The following MATR3 variants were observed in gnomAD, a reference collection of about 807,000 sequenced individuals.
MATR3 encodes the protein matrin-3.
A neutral mutation model predicts 85.5 loss-of-function variants in MATR3; 4 were observed. The ratio of observed to expected loss-of-function variants is 0.05; its 90% CI spans 0.02 to 0.11. MATR3 has a LOEUF of 0.11. Among genes scored for constraint, MATR3 ranks in the 10% least tolerant of loss-of-function variants. The pLI is 1.00. For missense variants in MATR3, 685 were observed against 1,016.1 expected (o/e 0.67, Z 4.43); for synonymous variants, 336 against 343.1 (o/e 0.98, Z 0.23).
chr5:139,289,364 G>A (rs1008676918), upstream of MATR3, among the ~76,000 whole-genome samples: 1 of 152,238 alleles, frequency 6.6e-6, no homozygotes, highest in Non-Finnish European at 1.5e-5. Context: ...AGGCTACAGT[G>A]AGCCACAATC....
upstream of MATR3, chr5:139,293,367 G>A (rs1488388595): frequency 6.6e-6 from 1 of 152,230 alleles, no homozygotes; most frequent in Non-Finnish European, 1.5e-5. Flanking sequence ...AACAACCAGA[G>A]AGCATAAAAG....
chr5:139,325,269 G>A, intron 12 of MATR3, 171 bp from the exon 13 acceptor site: 1 of 1,550,644 alleles, frequency 6.4e-7, no homozygotes, highest in Non-Finnish European at 8.7e-7. Context: ...GATAATTGTT[G>A]CAGAGTAAAT....
At chr5:139,325,200 A>T (rs1380104202) in intron 12 of MATR3, 2 of 1,481,342 alleles carry the variant, frequency 1.4e-6, no homozygotes, top group Non-Finnish European at 1.8e-6. Flanking sequence ...CTCAAAAAAA[A>T]AAAGGCAAAG....
At chr5:139,323,731 TA>T (rs1480571008) in intron 12 of MATR3, among the ~76,000 whole-genome samples, 1 of 152,090 alleles carries the variant, frequency 6.6e-6, no homozygotes, top group Non-Finnish European at 1.5e-5. Context: ...CCGTCTCTAC[TA>T]AAAATATGAA....
intron 2 of MATR3, chr5:139,312,177 C>G (rs1755018881): frequency 6.6e-6 from 1 of 152,120 alleles, no homozygotes; most frequent in Non-Finnish European, 1.5e-5. Context: ...TGCTTTGTAG[C>G]CCACGCTGAA....
intron 2 of MATR3, among the ~76,000 whole-genome samples, chr5:139,276,662 G>T (rs1323770540): frequency 1.3e-5 from 2 of 152,164 alleles, no homozygotes; most frequent in Admixed American, 1.3e-4. Flanking sequence ...AAGCTAATGG[G>T]AAGAGGGGGT....
intron 1 of MATR3, among the ~76,000 whole-genome samples, chr5:139,306,343 G>A (rs570405025): frequency 2.0e-4 from 31 of 152,278 alleles, no homozygotes; most frequent in South Asian, 6.2e-4. Flanking sequence ...ACAGGAAACT[G>A]TGTAACCAAG....
At position 139,329,339 on chromosome 5, in the gene MATR3, T is replaced by A. The variant is rs376395410; in HGVS notation, c.2494-6T>A. The A allele has an allele frequency of 6.3e-5, 101 of 1,607,664 alleles. No individual in the cohort carries two copies. In the African/African-American group the frequency reaches 1.2e-3, roughly 19 times the overall value. On this transcript the variant is annotated splice_region_variant and splice_polypyrimidine_tract_variant and intron_variant, in intron 14 of 14. Coordinates refer to ENST00000394805, the MANE Select transcript of MATR3 (RefSeq NM_018834.6). The stretch of plus-strand genomic sequence containing the variant: ...ACTTAATGGCTGTAATTCTCTTTCT[T>A]TATAGAAATTTCTGAATAAATTGGC...
intron 3 of MATR3, chr5:139,315,444 TAG>T (rs1755978149): frequency 2.4e-6 from 1 of 418,232 alleles, no homozygotes; most frequent in Admixed American, 4.0e-5. Flanking sequence ...ATTTAACAAA[TAG>T]AGGAAAAACT....
At chr5:139,301,348 C>G (rs1754429324) in intron 1 of MATR3, among the ~76,000 whole-genome samples, 1 of 151,410 alleles carries the variant, frequency 6.6e-6, no homozygotes, top group Non-Finnish European at 1.5e-5. Flanking sequence ...GAGACAGAGT[C>G]TCACTCTGTC....
intron 3 of MATR3, chr5:139,283,663 T>C (rs1294490222): frequency 6.6e-6 from 1 of 152,246 alleles, no homozygotes; most frequent in Non-Finnish European, 1.5e-5. Context: ...GGTTTATGGC[T>C]TTTACTAACT....
At chr5:139,303,284 T>TC (rs1754545665) in intron 1 of MATR3, among the ~76,000 whole-genome samples, 1 of 152,126 alleles carries the variant, frequency 6.6e-6, no homozygotes, top group South Asian at 2.1e-4. Flanking sequence ...ATATTTTTAG[T>TC]AGAGACGAGG....
intron 14 of MATR3, among the ~76,000 whole-genome samples, chr5:139,327,864 A>G (rs543794886): frequency 6.8e-6 from 1 of 147,972 alleles, no homozygotes; most frequent in African/African-American, 2.5e-5. Flanking sequence ...TATTTTATTT[A>G]TTTTTTTTTT....
chr5:139,323,359 A>G (rs1755677339), intron 12 of MATR3, among the ~76,000 whole-genome samples: 2 of 152,314 alleles, frequency 1.3e-5, no homozygotes, highest in South Asian at 2.1e-4. Context: ...TTTGCCACTC[A>G]TTCAAAAATT....
At chr5:139,281,510 A>T (rs1219028625) in intron 3 of MATR3, among the ~76,000 whole-genome samples, 3 of 150,492 alleles carry the variant, frequency 2.0e-5, no homozygotes, top group Non-Finnish European at 4.4e-5. Context: ...ACCTGGCTAA[A>T]TTTTTTTTTG....
At chr5:139,299,151 G>T (rs1343509784) in intron 1 of MATR3, among the ~76,000 whole-genome samples, 5 of 152,106 alleles carry the variant, frequency 3.3e-5, no homozygotes. Context: ...ATATACACTG[G>T]TTTGTATAAT....
At position 139,304,039 on chromosome 5, in the gene MATR3, A is replaced by G. The variant is rs565962420; in HGVS notation, c.-177-3200A>G. On this transcript the variant is annotated intron_variant, in intron 1 of 14. Coordinates refer to ENST00000394805, the MANE Select transcript of MATR3 (RefSeq NM_018834.6). ...AGATTCTCATGTAATGGGAGGTAGA[A>G]TATTAACTGAAACGTTTCCTAACCA... Among the ~76,000 whole-genome samples the G allele has an allele frequency of 6.6e-5, 10 of 152,306 alleles. No individual in the cohort carries two copies. The East Asian group carries it at 1.7e-3, about 26-fold the overall frequency.
chr5:139,317,152 A>C, intron 6 of MATR3, 47 bp downstream of exon 6: 1 of 1,572,586 alleles, frequency 6.4e-7, no homozygotes, highest in Non-Finnish European at 8.7e-7. Flanking sequence ...ATTTTTGGGA[A>C]TATGATTTGA....
Position 139,316,060 on chromosome 5 carries a change from G to C in MATR3, c.1017-16G>C. 6.6e-7 allele frequency: 1 copy of C among 1,518,730 alleles called. No homozygotes were observed. The highest frequency in any genetic ancestry group is 9.1e-7 in the Non-Finnish European group (1 of 1,096,658). 94.1% of individuals were successfully genotyped at this position (1,518,730 alleles called of 1,614,324 possible). On this transcript the variant is annotated splice_polypyrimidine_tract_variant and intron_variant, in intron 4 of 14. Transcript: ENST00000394805. ...CTCTTTATTATGATTTATATTTTAT[G>C]TCTTCACTTTACTAGGGGTGATCCA...
Sources: gnomAD v4.1 joint callset for allele counts (sites outside exome capture counted in the v4.1 genomes callset) on GRCh38, gnomAD v4.1.1 for gene constraint, MANE v1.5 for transcripts, NCBI Gene and HGNC (gene_info 2026-07-23, HGNC 2026-07-21) for gene names.